The following CRTC3 variants were observed in gnomAD, a reference collection of about 807,000 sequenced individuals.
The protein encoded by CRTC3 is CREB-regulated transcription coactivator 3.
CRTC3 carries 26 observed loss-of-function variants against 74.5 expected under a neutral mutation model. The ratio of observed to expected loss-of-function variants is 0.35; its 90% confidence interval spans 0.26 to 0.48. The LOEUF is 0.48. Ranked by LOEUF, CRTC3 falls within the 20% of genes least tolerant of loss-of-function variation. The pLI, the probability that CRTC3 is intolerant of heterozygous loss-of-function variation, is 0.99. For missense variants in CRTC3, 760 were observed against 787.3 expected (o/e 0.97, Z 0.41); for synonymous variants, 377 against 325.8 (o/e 1.16, Z -1.69).
At chr15:90,572,138 G>A (rs990738861) in intron 2 of CRTC3, among the ~76,000 whole-genome samples, 1 of 146,450 alleles carries the variant, frequency 6.8e-6, no homozygotes, top group Non-Finnish European at 1.5e-5. Context: ...CTCCAGCGTG[G>A]CTGACAGAGC....
At chr15:90,574,440 T>C (rs1967353398) in intron 2 of CRTC3, among the ~76,000 whole-genome samples, 1 of 152,216 alleles carries the variant, frequency 6.6e-6, no homozygotes, top group Non-Finnish European at 1.5e-5. Context: ...ATCGCGCCAC[T>C]GTACTCTAGC....
At position 90,643,278 on chromosome 15, in the gene CRTC3, G is replaced by A. The variant is rs1567201449; in HGVS notation, c.*1138G>A. 1 of 232,186 alleles carries A rather than the reference G, an allele frequency of 4.3e-6. No individual in the cohort carries two copies. The highest frequency in any genetic ancestry group is 1.8e-4 in the South Asian group (1 of 5,522). The allele number at this position is 232,186 out of a possible 1,614,324, so 14.4% of individuals were successfully genotyped here. A position where few individuals can be genotyped will look rare whatever the true frequency, so the allele number is the denominator to read the frequency against. On this transcript the variant is annotated 3_prime_UTR_variant, in exon 15 of 15. Coordinates refer to ENST00000268184, the MANE Select transcript of CRTC3 (RefSeq NM_022769.5). ...CTCACCTGTAGCTATCCCCTTCCCT[G>A]CCAGATCTTCTCAGAGCTTTAGCTT...
Position 90,571,123 on chromosome 15 carries a change from A to G in CRTC3, c.232-22513A>G, listed in dbSNP as rs77408525. Among the ~76,000 whole-genome samples, 1,375 of 152,336 alleles carry G rather than the reference A, an allele frequency of 9.0e-3. 46 individuals are homozygous for G. In the East Asian group the frequency reaches 0.12, roughly 13 times the overall value. On this transcript the variant is annotated intron_variant, in intron 2 of 14. Coordinates refer to ENST00000268184, the MANE Select transcript of CRTC3 (RefSeq NM_022769.5). ...TATTGGACACTGCGTGTCAGACACA[A>G]TGCTTGATGCTGGAGATACAATGAC...
intron 6 of CRTC3, 197 bp from the exon 7 acceptor site, chr15:90,614,256 A>C: frequency 2.0e-6 from 1 of 511,358 alleles, no homozygotes; most frequent in Non-Finnish European, 3.5e-6. Flanking sequence ...AAAAGGAACC[A>C]AATTTAGTTT....
chr15:90,608,456 C>T (rs933386495), intron 6 of CRTC3, among the ~76,000 whole-genome samples: 4 of 152,302 alleles, frequency 2.6e-5, no homozygotes, highest in Admixed American at 6.5e-5. Flanking sequence ...CTCTTCCTCT[C>T]TCTCTCACTC....
chr15:90,637,216 A>G (rs1381413896), intron 11 of CRTC3, among the ~76,000 whole-genome samples: 1 of 152,222 alleles, frequency 6.6e-6, no homozygotes, highest in African/African-American at 2.4e-5. Flanking sequence ...ATGGAATACT[A>G]TGCAGCCATA....
chr15:90,638,336 G>A (rs1969313447), intron 11 of CRTC3, 110 bp from the exon 12 acceptor site: 2 of 898,350 alleles, frequency 2.2e-6, no homozygotes, highest in Admixed American at 2.0e-5. Context: ...ACAGAACACC[G>A]CGGTGAGGAA....
At chr15:90,536,580 C>T (rs766346404) in intron 1 of CRTC3, among the ~76,000 whole-genome samples, 11 of 151,996 alleles carry the variant, frequency 7.2e-5, no homozygotes, top group South Asian at 2.1e-4. Context: ...TGAAAGGACC[C>T]GCTGGGATTT....
intron 2 of CRTC3, among the ~76,000 whole-genome samples, chr15:90,565,173 C>G (rs1344303634): frequency 6.6e-6 from 1 of 152,146 alleles, no homozygotes; most frequent in Non-Finnish European, 1.5e-5. Flanking sequence ...GTCTTGAACT[C>G]CCGACCTCAT....
chr15:90,591,762 A>G (rs1466230483), intron 2 of CRTC3, among the ~76,000 whole-genome samples: 1 of 152,130 alleles, frequency 6.6e-6, no homozygotes, highest in Non-Finnish European at 1.5e-5. Flanking sequence ...GTGCCACTGC[A>G]CTCCAGCCTG....
At position 90,641,964 on chromosome 15, in the gene CRTC3, A is replaced by G; in HGVS notation, c.1684A>G (p.Asn562Asp). 1 of 1,613,764 alleles carries G rather than the reference A, an allele frequency of 6.2e-7. No individual in the cohort carries two copies. Among genetic ancestry groups the G allele is most frequent in the African/African-American group, 1.3e-5 (1 of 75,040 alleles). Residue 562 changes from asparagine (N) to aspartate (D), a missense_variant, in exon 15 of 15, where the codon AAC (asparagine) becomes GAC (aspartate). This residue lies in a region of CRTC3 where 652 missense variants were observed against 635.2 expected (regional missense o/e 1.03). Transcript: ENST00000268184. Reference protein sequence around the residue: ...DSSTSLFKDLNSALAGLPEVS... With the variant: ...DSSTSLFKDLDSALAGLPEVS... ...CAGCACCAGCCTGTTCAAAGACCTC[A>G]ACAGTGCGCTGGCAGGCCTGCCTGA...
intron 2 of CRTC3, among the ~76,000 whole-genome samples, chr15:90,577,359 T>G (rs569009042): frequency 1.3e-5 from 2 of 152,332 alleles, no homozygotes; most frequent in Non-Finnish European, 2.9e-5. Flanking sequence ...CAAATCAGTC[T>G]GGCAGAGAGT....
rs1481203737 is a variant in CRTC3 at position 90,642,287 on chromosome 15, T to A, written c.*147T>A. 2 of 657,236 alleles carry A rather than the reference T, an allele frequency of 3.0e-6. No homozygotes were observed. Among genetic ancestry groups the A allele is most frequent in the Non-Finnish European group, 5.3e-6 (2 of 379,858 alleles). 40.7% of individuals were successfully genotyped at this position (657,236 alleles called of 1,614,324 possible). A position where few individuals can be genotyped will look rare whatever the true frequency, so the allele number is the denominator to read the frequency against. ...CTCCAGGGTTTCAGATGAGATCCCA[T>A]CTCAGACACTGTGGCTTCCTCCAGA... On this transcript the variant is annotated 3_prime_UTR_variant, in exon 15 of 15. Transcript: ENST00000268184.
intron 7 of CRTC3, among the ~76,000 whole-genome samples, chr15:90,615,205 C>A (rs1406453970): frequency 6.6e-6 from 1 of 152,036 alleles, no homozygotes; most frequent in African/African-American, 2.4e-5. Flanking sequence ...AATGAAAATG[C>A]AAACCTTACA....
chr15:90,581,203 T>A (rs1967532886), intron 2 of CRTC3, among the ~76,000 whole-genome samples: 1 of 152,222 alleles, frequency 6.6e-6, no homozygotes, highest in Non-Finnish European at 1.5e-5. Flanking sequence ...CTGTGGCTTA[T>A]GAGTCCAGAC....
chr15:90,531,245 T>C (rs1364201583), intron 1 of CRTC3, among the ~76,000 whole-genome samples: 1 of 152,160 alleles, frequency 6.6e-6, no homozygotes, highest in Admixed American at 6.5e-5. Flanking sequence ...TTCCGTATTA[T>C]TTATTTATTA....
chr15:90,554,802 C>T (rs1333365819), intron 2 of CRTC3, among the ~76,000 whole-genome samples: 1 of 152,226 alleles, frequency 6.6e-6, no homozygotes, highest in Admixed American at 6.5e-5. Flanking sequence ...AGCTCTCAAC[C>T]AGGGATCCTC....
chr15:90,540,459 C>G (rs1330205871), intron 2 of CRTC3, among the ~76,000 whole-genome samples: 1 of 150,926 alleles, frequency 6.6e-6, no homozygotes, highest in Non-Finnish European at 1.5e-5. Flanking sequence ...GCTTTCTCAT[C>G]TATAATTTTA....
chr15:90,604,282 C>T (rs1460548825), intron 4 of CRTC3, 103 bp from the exon 5 acceptor site: 11 of 832,800 alleles, frequency 1.3e-5, no homozygotes, highest in Admixed American at 9.3e-5. Flanking sequence ...TCTTGCAGAG[C>T]GAGGTGAGTA....
Sources: allele counts gnomAD v4.1 joint callset (sites outside exome capture counted in the v4.1 genomes callset), GRCh38; gene constraint gnomAD v4.1.1; regional missense constraint gnomAD v4.1.1; transcripts MANE v1.5; gene names NCBI Gene and HGNC (gene_info 2026-07-23, HGNC 2026-07-21).